HIVEP3: variants seen among roughly 807,000 people sequenced by gnomAD.
The protein encoded by HIVEP3 is HIVEP zinc finger 3.
HIVEP3 carries 49 observed loss-of-function variants against 152.8 expected under a neutral mutation model. The observed-to-expected ratio is 0.32, with a 90% CI of 0.26 to 0.41. The LOEUF is 0.41. Ranked by LOEUF, HIVEP3 falls within the 10% of genes least tolerant of loss-of-function variation. HIVEP3 has a pLI of 1.00. For missense variants in HIVEP3, 2,790 were observed against 3,103.3 expected (o/e 0.90, Z 2.40); for synonymous variants, 1,269 against 1,289.0 (o/e 0.98, Z 0.33).
chr1:41,900,687 C>T (rs957341068), intron 1 of HIVEP3, among the ~76,000 whole-genome samples: 1 of 151,934 alleles, frequency 6.6e-6, no homozygotes, highest in African/African-American at 2.4e-5. Flanking sequence ...GATCACAGCA[C>T]TTCAGGGAAA....
intron 1 of HIVEP3, among the ~76,000 whole-genome samples, chr1:41,709,675 C>A (rs1380526087): frequency 3.9e-5 from 6 of 152,150 alleles, no homozygotes; most frequent in Non-Finnish European, 8.8e-5. Context: ...GGGGCTCTGG[C>A]TTTGTAGATA....
intron 1 of HIVEP3, among the ~76,000 whole-genome samples, chr1:41,956,389 G>A (rs1645140678): frequency 6.6e-6 from 1 of 152,132 alleles, no homozygotes; most frequent in Non-Finnish European, 1.5e-5. Context: ...AGAAATGGAG[G>A]CTGATCCTAA....
intron 1 of HIVEP3, among the ~76,000 whole-genome samples, chr1:41,912,458 T>C (rs1644811873): frequency 6.6e-6 from 1 of 152,222 alleles, no homozygotes; most frequent in Non-Finnish European, 1.5e-5. Flanking sequence ...TGGGCAAAGA[T>C]GCTCTCCTCA....
chr1:41,710,592 C>T (rs1646498568), intron 1 of HIVEP3, among the ~76,000 whole-genome samples: 1 of 152,224 alleles, frequency 6.6e-6, no homozygotes, highest in African/African-American at 2.4e-5. Context: ...TCCTTGCTCT[C>T]AGCCCAGTCC....
Position 41,510,412 on chromosome 1 carries a change from G to T in HIVEP3, c.*39C>A. 7.0e-7 allele frequency: 1 copy of T among 1,425,074 alleles called. No individual in the cohort carries two copies. Among genetic ancestry groups the T allele is most frequent in the Non-Finnish European group, 9.2e-7 (1 of 1,084,500 alleles). 88.3% of individuals were successfully genotyped at this position (1,425,074 alleles called of 1,614,324 possible). ...AAAGTGGCTGGAAACGTCTGTTGCT[G>T]GACACTGGAAGCCAGATGCTGAAGC... is the stretch of plus-strand genomic sequence containing the variant. On this transcript the variant is annotated 3_prime_UTR_variant, in exon 9 of 9. Transcript: ENST00000372583.
At chr1:41,875,146 C>T (rs1240147270) in intron 1 of HIVEP3, among the ~76,000 whole-genome samples, 1 of 152,254 alleles carries the variant, frequency 6.6e-6, no homozygotes. Context: ...CTGGCTGCTG[C>T]CTGCAATGCA....
intron 1 of HIVEP3, among the ~76,000 whole-genome samples, chr1:42,030,579 C>A (rs1645607374): frequency 1.3e-5 from 1 of 78,958 alleles, no homozygotes; most frequent in African/African-American, 3.8e-5. Context: ...AAGAGCTGAG[C>A]TCCCCCATTC....
chr1:41,983,442 A>AG (rs1645305088), intron 1 of HIVEP3, among the ~76,000 whole-genome samples: 1 of 152,310 alleles, frequency 6.6e-6, no homozygotes, highest in East Asian at 1.9e-4. Flanking sequence ...CCTTATGTGC[A>AG]GGCAGACACA....
chr1:41,582,976 G>C lies in HIVEP3; in HGVS notation c.1822C>G (p.Pro608Ala). 6 of 1,613,934 alleles carry C rather than the reference G, an allele frequency of 3.7e-6. No homozygotes were observed. Among genetic ancestry groups the C allele is most frequent in the Non-Finnish European group, 5.1e-6 (6 of 1,179,984 alleles). The change falls in exon 4 of 9, where the codon CCA becomes GCA. Residue 608 changes from proline (P) to alanine (A), a missense_variant. Around this residue, in one of 9 missense-constraint regions of HIVEP3, gnomAD observed 339 missense variants for 327.0 expected, o/e 1.04. Coordinates refer to ENST00000372583, the MANE Select transcript of HIVEP3 (RefSeq NM_024503.5). The surrounding 1 kb of genome is among the most constrained non-coding windows in gnomAD (Gnocchi z 4.7). ...GGEYSSEEPG[P>A]SSKDTASKPS... ...TTGGAGGCTGTGTCTTTGCTGCTTG[G>C]GCCAGGCTCCTCAGAACTGTATTCC... is the stretch of plus-strand genomic sequence containing the variant.
At position 41,664,272 on chromosome 1, in the gene HIVEP3, C is replaced by A. The variant is rs1373978236; in HGVS notation, c.-720-35325G>T. 6.6e-6 allele frequency among the ~76,000 whole-genome samples: 1 copy of A among 152,202 alleles called. No individual in the cohort carries two copies. The highest frequency in any genetic ancestry group is 1.5e-5 in the Non-Finnish European group (1 of 68,040). On this transcript the variant is annotated intron_variant, in intron 2 of 8. Coordinates refer to ENST00000372583, the MANE Select transcript of HIVEP3 (RefSeq NM_024503.5). The surrounding 1 kb of genome is among the most constrained non-coding windows in gnomAD (Gnocchi z 4.4). ...TCCCGTTTTCTGTCTGAAAGCAACTCCAGGCAGAGGAGGTGGGTGCCTTGT... is the reference window on the plus strand; with the variant it reads ...TCCCGTTTTCTGTCTGAAAGCAACTACAGGCAGAGGAGGTGGGTGCCTTGT...
At chr1:41,817,082 G>A (rs1002286860) in intron 1 of HIVEP3, among the ~76,000 whole-genome samples, 1 of 152,230 alleles carries the variant, frequency 6.6e-6, no homozygotes, top group Non-Finnish European at 1.5e-5. Flanking sequence ...ATCACTCACT[G>A]AGGAATTGCT....
At chr1:41,658,010 C>G (rs536502888) in intron 2 of HIVEP3, among the ~76,000 whole-genome samples, 2 of 152,322 alleles carry the variant, frequency 1.3e-5, no homozygotes, top group South Asian at 4.1e-4. Flanking sequence ...ATCAGACAAT[C>G]AGGGTGGAAC....
chr1:41,899,956 G>A (rs1644594307), intron 1 of HIVEP3, among the ~76,000 whole-genome samples: 1 of 152,148 alleles, frequency 6.6e-6, no homozygotes, highest in Non-Finnish European at 1.5e-5. Flanking sequence ...TCCCCTGTCA[G>A]CAGAATCTGG....
At chr1:41,684,147 G>A (rs1017047571) in intron 2 of HIVEP3, among the ~76,000 whole-genome samples, 2 of 152,198 alleles carry the variant, frequency 1.3e-5, no homozygotes, top group African/African-American at 4.8e-5. Context: ...GGGGAGGTGG[G>A]GACAGGGGTG....
At position 41,582,420 on chromosome 1, in the gene HIVEP3, G is replaced by A. The variant is rs745969292; in HGVS notation, c.2378C>T (p.Thr793Met). 21 of 1,614,080 alleles carry A rather than the reference G, an allele frequency of 1.3e-5. No homozygotes were observed. Among genetic ancestry groups the A allele is most frequent in the East Asian group, 8.9e-5 (4 of 44,898 alleles). The change falls in exon 4 of 9, where the codon ACG becomes ATG. Residue 793 changes from threonine to methionine, a missense_variant. This residue lies in a region of HIVEP3 where 7 missense variants were observed against 24.0 expected (regional missense o/e 0.29). Coordinates refer to ENST00000372583, the MANE Select transcript of HIVEP3 (RefSeq NM_024503.5). The surrounding 1 kb of genome is among the most constrained non-coding windows in gnomAD (Gnocchi z 4.7). ...CTGGATGACAGAAATTTCTTTGGAC[G>A]TTGTTCTCCTCTCCTTCCCTGATTC... The part of the protein sequence containing the change: ...GSESGKERRT[T>M]SKEISVIQHT...
chr1:41,517,250 C>T (rs1569682478), intron 7 of HIVEP3, among the ~76,000 whole-genome samples: 1 of 152,142 alleles, frequency 6.6e-6, no homozygotes, highest in African/African-American at 2.4e-5. Context: ...TTTTGTGTGA[C>T]CTTGGGCTAT....
intron 1 of HIVEP3, among the ~76,000 whole-genome samples, chr1:41,841,959 G>A (rs758241591): frequency 1.1e-4 from 16 of 151,954 alleles, no homozygotes; most frequent in Non-Finnish European, 2.1e-4. Context: ...CAGGCGTGGT[G>A]GTGTGCACCT....
rs1642485265 is a variant in HIVEP3 at position 41,513,073 on chromosome 1, G to T, written c.6148C>A (p.His2050Asn). The T allele has an allele frequency of 5.6e-6, 9 of 1,613,928 alleles. No individual in the cohort carries two copies. The highest frequency in any genetic ancestry group is 7.6e-6 in the Non-Finnish European group (9 of 1,180,024). The change falls in exon 8 of 9, where the codon CAT becomes AAT. Residue 2050 changes from histidine to asparagine, a missense_variant. This residue lies in a region of HIVEP3 where 816 missense variants were observed against 806.5 expected (regional missense o/e 1.01). Coordinates refer to ENST00000372583, the MANE Select transcript of HIVEP3 (RefSeq NM_024503.5). ...GTACCCTCGAGTTTGGAGAGCACAT[G>T]TGCTCGAGGGGCCAGTTCTCTTCCC... ...PLGRELAPRA[H>N]VLSKLEGTTD...
chr1:41,966,475 C>CTTTTTTTTT lies in HIVEP3; in HGVS notation n.120-47960_120-47952dup, dbSNP rs58470482. ...TCAAGACCCATCAGTGTGCTGTATT[C>CTTTTTTTTT]TTTTTTTTTTTTTTTTGAGATGGAG... On this transcript the variant is annotated intron_variant and non_coding_transcript_variant, in intron 1 of 3. Transcript: ENST00000489103. Among the ~76,000 whole-genome samples, 15 of 95,810 alleles carry CTTTTTTTTT rather than the reference C, an allele frequency of 1.6e-4. 4 individuals are homozygous for CTTTTTTTTT. Among genetic ancestry groups the CTTTTTTTTT allele is most frequent in the Non-Finnish European group, 1.9e-4 (10 of 51,458 alleles). The allele number at this position is 95,810 out of a possible 152,430, so 62.9% of individuals were successfully genotyped here.
Sources: allele counts gnomAD v4.1 joint callset (sites outside exome capture counted in the v4.1 genomes callset), GRCh38; gene constraint gnomAD v4.1.1; regional missense constraint gnomAD v4.1.1; non-coding constraint Gnocchi (gnomAD v3.1); transcripts MANE v1.5; gene names NCBI Gene and HGNC (gene_info 2026-07-23, HGNC 2026-07-21).